CHN1: variants seen among roughly 807,000 people sequenced by gnomAD.
The protein encoded by CHN1 is N-chimaerin.
CHN1 carries 37 observed loss-of-function variants against 59.5 expected under a neutral mutation model. That is an observed-to-expected ratio of 0.62 (90% confidence interval 0.48 to 0.82). The LOEUF (loss-of-function observed/expected upper bound fraction) is 0.82. Among genes scored for constraint, CHN1 ranks in the 40% least tolerant of loss-of-function variants. The pLI, the probability that CHN1 is intolerant of heterozygous loss-of-function variation, is 0.00. For missense variants in CHN1, 469 were observed against 571.0 expected, an observed-to-expected ratio of 0.82 and a Z score of 1.82; for synonymous variants, 206 against 200.4, an observed-to-expected ratio of 1.03 and a Z score of -0.24.
chr2:174,963,424 T>C (rs991646194), intron 1 of CHN1, among the ~76,000 whole-genome samples: 1 of 152,034 alleles, frequency 6.6e-6, no homozygotes, highest in Non-Finnish European at 1.5e-5. Flanking sequence ...ACAAGACTCT[T>C]AAAGGATAGA....
intron 3 of CHN1, among the ~76,000 whole-genome samples, chr2:174,927,511 G>C (rs1346278990): frequency 6.6e-6 from 1 of 152,084 alleles, no homozygotes; most frequent in Non-Finnish European, 1.5e-5. Context: ...GAAAACACTA[G>C]AAATAAGCAA....
intron 5 of CHN1, among the ~76,000 whole-genome samples, chr2:174,908,067 A>T (rs1266993925): frequency 6.6e-6 from 1 of 152,228 alleles, no homozygotes; most frequent in South Asian, 2.1e-4. Flanking sequence ...AATATGTCCA[A>T]ATATGCCCTG....
At chr2:174,886,813 T>C (rs572671085) in intron 5 of CHN1, among the ~76,000 whole-genome samples, 8 of 152,238 alleles carry the variant, frequency 5.3e-5, no homozygotes, top group Non-Finnish European at 8.8e-5. Context: ...ATCACATTTT[T>C]CTCAGAAAAA....
At chr2:174,900,504 T>C (rs1688352401) in intron 5 of CHN1, among the ~76,000 whole-genome samples, 1 of 151,826 alleles carries the variant, frequency 6.6e-6, no homozygotes, top group Non-Finnish European at 1.5e-5. Flanking sequence ...TCATAAAAAT[T>C]TTTAAAACGT....
Position 174,874,773 on chromosome 2 carries a change from T to C in CHN1, c.549+3067A>G, listed in dbSNP as rs371385773. Among the ~76,000 whole-genome samples the C allele has an allele frequency of 5.3e-4, 81 of 152,168 alleles. 2 individuals carry two copies. The South Asian group carries it at 0.017, about 31-fold the overall frequency. ...AATAATGGCAGGGTGATCAAATAAG[T>C]ATGAGAGCACTCTTATAGAGTCATA... On this transcript the variant is annotated intron_variant, in intron 6 of 12. Transcript: ENST00000409900.
chr2:174,881,586 C>T (rs145259146), intron 5 of CHN1, among the ~76,000 whole-genome samples: 1 of 152,120 alleles, frequency 6.6e-6, no homozygotes, highest in Non-Finnish European at 1.5e-5. Context: ...TTAGCTTAGG[C>T]CCCTGCAGAG....
intron 7 of CHN1, 114 bp from the exon 8 acceptor site, chr2:174,824,632 G>A (rs1685623102): frequency 1.3e-4 from 44 of 344,504 alleles, no homozygotes; most frequent in Non-Finnish European, 1.6e-4. Flanking sequence ...ATATATATAT[G>A]AGAGAAAGAG....
intron 1 of CHN1, among the ~76,000 whole-genome samples, chr2:174,953,009 C>T (rs375874859): frequency 2.1e-4 from 32 of 152,266 alleles, no homozygotes; most frequent in African/African-American, 7.7e-4. Context: ...CTAATTTTTG[C>T]CAGTCAAAAG....
chr2:174,897,531 C>T (rs903798697), intron 5 of CHN1, among the ~76,000 whole-genome samples: 1 of 147,124 alleles, frequency 6.8e-6, no homozygotes, highest in African/African-American at 2.5e-5. Context: ...AAAAAAAAAT[C>T]AAAATACCCC....
chr2:174,886,137 A>G (rs953311418), intron 5 of CHN1, among the ~76,000 whole-genome samples: 29 of 152,260 alleles, frequency 1.9e-4, no homozygotes, highest in African/African-American at 6.8e-4. Context: ...AGAGTTCTAT[A>G]CATGTATAAG....
Position 174,895,213 on chromosome 2 carries a change from T to C in CHN1, c.261-17085A>G, listed in dbSNP as rs13428711. Among the ~76,000 whole-genome samples, 1,367 of 142,444 alleles carry C rather than the reference T, an allele frequency of 9.6e-3. 10 individuals carry two copies. The highest frequency in any genetic ancestry group is 0.018 in the African/African-American group (698 of 38,234). 93.4% of individuals were successfully genotyped at this position (142,444 alleles called of 152,430 possible). A position where few individuals can be genotyped will look rare whatever the true frequency, so the allele number is the denominator to read the frequency against. On this transcript the variant is annotated intron_variant, in intron 5 of 12. Transcript: ENST00000409900. Reference sequence around the variant, plus strand: ...GTGTGTGTGTGTATATATATATATATACACACACACACACACACACACACA... The same window carrying C: ...GTGTGTGTGTGTATATATATATATACACACACACACACACACACACACACA...
chr2:174,922,731 A>C (rs1209054488), intron 3 of CHN1, among the ~76,000 whole-genome samples: 1 of 152,204 alleles, frequency 6.6e-6, no homozygotes. Flanking sequence ...CATAAAAAAA[A>C]AGAAATATTT....
intron 7 of CHN1, among the ~76,000 whole-genome samples, chr2:174,828,999 A>AT (rs1685783746): frequency 6.6e-6 from 1 of 152,116 alleles, no homozygotes; most frequent in Non-Finnish European, 1.5e-5. Context: ...GGCCACAGAT[A>AT]TTTTTTCTAG....
At chr2:174,845,597 G>A (rs1389450154) in intron 7 of CHN1, among the ~76,000 whole-genome samples, 3 of 152,040 alleles carry the variant, frequency 2.0e-5, no homozygotes, top group African/African-American at 4.8e-5. Context: ...GAAAGGTAAG[G>A]TCCTTAATAT....
Position 174,916,532 on chromosome 2 carries a change from G to A in CHN1, c.147-1361C>T, listed in dbSNP as rs776154777. Among the ~76,000 whole-genome samples, 21 of 152,148 alleles carry A rather than the reference G, an allele frequency of 1.4e-4. 1 individual carries two copies. The highest frequency in any genetic ancestry group is 2.8e-4 in the Non-Finnish European group (19 of 68,042). On this transcript the variant is annotated intron_variant, in intron 4 of 12. Transcript: ENST00000409900. The stretch of plus-strand genomic sequence containing the variant: ...AAGAAACAATAGTCACTTGAATTTG[G>A]AATGATACATTTAAAAGGCGTTGAA...
In CHN1 at chr2:174,812,462, T is replaced by G; in HGVS notation, c.733A>C (p.Lys245Gln). The change falls in exon 9 of 13, where the codon AAG (lysine) becomes CAG (glutamine). Residue 245 changes from lysine (K) to glutamine (Q), a missense_variant. Physicochemically the swap from Lys to Gln is moderately conservative, Grantham distance 53. Around this residue, in one of 5 missense-constraint regions of CHN1, gnomAD observed 225 missense variants for 289.9 expected, o/e 0.78. Coordinates refer to ENST00000409900, the MANE Select transcript of CHN1 (RefSeq NM_001822.7). Reference protein sequence around the residue: ...KCADCGLNVHKQCSKMVPNDC... With the variant: ...KCADCGLNVHQQCSKMVPNDC... Reference sequence around the variant, plus strand: ...TTTGGGACCATCTTGGAACACTGCTTATGAACATTCAAACCACAATCTAAG... The same window carrying G: ...TTTGGGACCATCTTGGAACACTGCTGATGAACATTCAAACCACAATCTAAG... 6.2e-7 allele frequency: 1 copy of G among 1,613,928 alleles called. No individual in the cohort carries two copies. Among genetic ancestry groups the G allele is most frequent in the Non-Finnish European group, 8.5e-7 (1 of 1,179,822 alleles).
chr2:174,858,550 A>G (rs932338920), intron 6 of CHN1, among the ~76,000 whole-genome samples: 5 of 152,120 alleles, frequency 3.3e-5, no homozygotes, highest in African/African-American at 1.2e-4. Context: ...TGCTATACTT[A>G]TTGCACGTTT....
intron 6 of CHN1, among the ~76,000 whole-genome samples, chr2:174,872,020 G>A (rs1453401966): frequency 2.0e-5 from 3 of 152,110 alleles, no homozygotes; most frequent in Admixed American, 6.5e-5. Flanking sequence ...TGTGGCTCAC[G>A]TCTGTAATCC....
At chr2:174,907,004 C>T (rs80088822) in intron 5 of CHN1, among the ~76,000 whole-genome samples, 25,284 of 152,142 alleles carry the variant, frequency 0.17, 2,770 homozygotes, top group Non-Finnish European at 0.26. Context: ...GTAGTCCCAG[C>T]ATTTAATCTT....
Sources: gnomAD v4.1 joint callset for allele counts (sites outside exome capture counted in the v4.1 genomes callset) on GRCh38, gnomAD v4.1.1 for gene constraint, gnomAD v4.1.1 regional missense constraint, MANE v1.5 for transcripts, NCBI Gene and HGNC (gene_info 2026-07-23, HGNC 2026-07-21) for gene names.